The following SDK2 variants were observed in gnomAD, a reference collection of about 807,000 sequenced individuals.
SDK2 encodes sidekick cell adhesion molecule 2.
SDK2 carries 105 observed loss-of-function variants against 253.9 expected under a neutral mutation model. The ratio of observed to expected loss-of-function variants is 0.41; its 90% CI spans 0.35 to 0.49. The LOEUF is 0.49. Among genes scored for constraint, SDK2 ranks in the 20% least tolerant of loss-of-function variants. SDK2 has a pLI of 0.06. For missense variants in SDK2, 2,608 were observed against 3,003.0 expected, an observed-to-expected ratio of 0.87 and a Z score of 3.07; for synonymous variants, 1,249 against 1,234.9, an observed-to-expected ratio of 1.01 and a Z score of -0.24.
chr17:73,628,099 G>T (rs1189998544), intron 1 of SDK2, among the ~76,000 whole-genome samples: 1 of 152,256 alleles, frequency 6.6e-6, no homozygotes, highest in African/African-American at 2.4e-5. Context: ...ACATTTAACA[G>T]ATGAGGAAAC....
At chr17:73,373,274 C>A (rs1433003320) in intron 36 of SDK2, among the ~76,000 whole-genome samples, 1 of 152,226 alleles carries the variant, frequency 6.6e-6, no homozygotes. Flanking sequence ...TTCACAGACA[C>A]TCAGGCTATT....
rs369147847 is a variant in SDK2, at chr17:73,394,338, G to C, written c.3593-14C>G. The C allele has an allele frequency of 4.1e-4, 638 of 1,539,188 alleles. No homozygotes were observed. Among genetic ancestry groups the C allele is most frequent in the Non-Finnish European group, 5.2e-4 (590 of 1,134,846 alleles). On this transcript the variant is annotated splice_polypyrimidine_tract_variant and intron_variant, in intron 25 of 44. Transcript: ENST00000392650. ...CGGAAGAGGGAACTGTGGGGGAAAG[G>C]GAGTGGAGAGAAGGCACTCAGGACC...
At chr17:73,540,807 G>A (rs529977650) in intron 1 of SDK2, among the ~76,000 whole-genome samples, 3 of 152,254 alleles carry the variant, frequency 2.0e-5, no homozygotes, top group South Asian at 2.1e-4. Context: ...CTCTCCCCTC[G>A]TGGGCTGTGG....
At chr17:73,542,349 G>A (rs1197289517) in intron 1 of SDK2, among the ~76,000 whole-genome samples, 1 of 152,222 alleles carries the variant, frequency 6.6e-6, no homozygotes, top group African/African-American at 2.4e-5. Flanking sequence ...GGTGCTACAA[G>A]AGAGAGCAGG....
chr17:73,588,206 C>CG (rs1491189476), intron 1 of SDK2, among the ~76,000 whole-genome samples: 2 of 140,562 alleles, frequency 1.4e-5, no homozygotes, highest in African/African-American at 2.8e-5. Context: ...GACCCCCCCC[C>CG]CTCCCCCGCC....
chr17:73,479,459 A>G (rs2063708070), intron 2 of SDK2, among the ~76,000 whole-genome samples: 1 of 152,230 alleles, frequency 6.6e-6, no homozygotes, highest in South Asian at 2.1e-4. Flanking sequence ...CCGGCTAGAA[A>G]AAGACTGACT....
At position 73,350,366 on chromosome 17, in the gene SDK2, G is replaced by A; in HGVS notation, c.5909C>T (p.Ala1970Val). The change falls in exon 43 of 45, where the codon GCC (alanine) becomes GTC (valine). Residue 1970 changes from alanine (A) to valine (V), a missense_variant. Ala to Val is a moderately conservative substitution (Grantham distance 64). Around this residue, in one of 2 missense-constraint regions of SDK2, gnomAD observed 1,103 missense variants for 1,143.9 expected, o/e 0.96. Transcript: ENST00000392650. ...GCTGTGGCCTAGGGCTCCAGACTTG[G>A]CACTGTTCCCTGAAGTCGGCGGGAG... Reference protein sequence around the residue: ...YAKKTDSGNSAKSGALGHSEM... With the variant: ...YAKKTDSGNSVKSGALGHSEM... 1.2e-6 allele frequency: 2 copies of A among 1,613,520 alleles called. No individual in the cohort carries two copies. The highest frequency in any genetic ancestry group is 1.7e-6 in the Non-Finnish European group (2 of 1,179,680).
intron 1 of SDK2, among the ~76,000 whole-genome samples, chr17:73,538,111 C>A (rs1457068200): frequency 3.3e-5 from 5 of 152,172 alleles, no homozygotes; most frequent in African/African-American, 1.2e-4. Context: ...GTGTTCACTG[C>A]ACTTGGCCTG....
chr17:73,638,148 C>T (rs573740660), intron 1 of SDK2, among the ~76,000 whole-genome samples: 6 of 152,238 alleles, frequency 3.9e-5, no homozygotes, highest in East Asian at 3.9e-4. Context: ...GGAGATGGGG[C>T]GAGAGGCCTG....
intron 1 of SDK2, among the ~76,000 whole-genome samples, chr17:73,552,939 C>T (rs2045084978): frequency 6.6e-6 from 1 of 152,232 alleles, no homozygotes; most frequent in South Asian, 2.1e-4. Context: ...TGGAGAGGAG[C>T]CGTAGAGGAG....
At chr17:73,448,745 C>T (rs1302570351) in intron 4 of SDK2, among the ~76,000 whole-genome samples, 1 of 151,706 alleles carries the variant, frequency 6.6e-6, no homozygotes, top group East Asian at 1.9e-4. Flanking sequence ...ACTGCAACCT[C>T]CGCCTTCCCG....
In SDK2 at chr17:73,410,430, C is replaced by T. The variant is rs563373727; in HGVS notation, c.2484+4214G>A. On this transcript the variant is annotated intron_variant, in intron 18 of 44. Coordinates refer to ENST00000392650, the MANE Select transcript of SDK2 (RefSeq NM_001144952.2). ...CTGGGTTCAAGCGATTCTCCTGCCTCGGCCTCCTATGTCTGTAGCTGGGAT... is the reference window on the plus strand; with the variant it reads ...CTGGGTTCAAGCGATTCTCCTGCCTTGGCCTCCTATGTCTGTAGCTGGGAT... 4.6e-5 allele frequency among the ~76,000 whole-genome samples: 7 copies of T among 152,318 alleles called. No homozygotes were observed. The South Asian group carries it at 8.3e-4, about 18-fold the overall frequency.
chr17:73,522,487 G>A (rs1283354679), intron 1 of SDK2, among the ~76,000 whole-genome samples: 6 of 152,240 alleles, frequency 3.9e-5, no homozygotes, highest in Non-Finnish European at 1.5e-5. Context: ...TCCTTGCCTG[G>A]GAACCAGCTG....
intron 1 of SDK2, among the ~76,000 whole-genome samples, chr17:73,595,032 G>A (rs912892825): frequency 2.0e-5 from 3 of 152,134 alleles, no homozygotes; most frequent in Admixed American, 1.3e-4. Flanking sequence ...CAATCAGAAC[G>A]CCATCACCAC....
At chr17:73,375,896 A>AAATACAATAC (rs2062775473) in intron 36 of SDK2, among the ~76,000 whole-genome samples, 1 of 151,478 alleles carries the variant, frequency 6.6e-6, no homozygotes, top group Non-Finnish European at 1.5e-5. Context: ...AACTAAACTA[A>AAATACAATAC]AATAAAATAA....
At chr17:73,525,020 A>G (rs2064114168) in intron 1 of SDK2, among the ~76,000 whole-genome samples, 1 of 152,206 alleles carries the variant, frequency 6.6e-6, no homozygotes, top group Non-Finnish European at 1.5e-5. Flanking sequence ...TCCAAGACTC[A>G]CCTTCCTAGG....
At chr17:73,362,232 C>T (rs1340401302) in intron 38 of SDK2, among the ~76,000 whole-genome samples, 3 of 152,122 alleles carry the variant, frequency 2.0e-5, no homozygotes, top group Non-Finnish European at 4.4e-5. Flanking sequence ...TATGCAGCAT[C>T]CCATGGGACT....
chr17:73,405,751 G>A (rs1279828429), intron 18 of SDK2, among the ~76,000 whole-genome samples: 14 of 144,774 alleles, frequency 9.7e-5, no homozygotes, highest in Admixed American at 3.5e-4. Context: ...ACAGAGTCTC[G>A]CTCTGTCGCC....
Position 73,431,761 on chromosome 17 carries a change from C to T in SDK2, c.1313-92G>A. The T allele has an allele frequency of 7.6e-7, 1 of 1,320,246 alleles. No individual in the cohort carries two copies. The highest frequency in any genetic ancestry group is 1.0e-6 in the Non-Finnish European group (1 of 993,042). The allele number at this position is 1,320,246 out of a possible 1,614,324, so 81.8% of individuals were successfully genotyped here. On this transcript the variant is annotated intron_variant, in intron 10 of 44. Transcript: ENST00000392650. The surrounding 1 kb of genome is among the most constrained non-coding windows in gnomAD (Gnocchi z 5.6). ...GCTCCAGGGCAGCATGGTCCCCCCA[C>T]AGGCCCCTGGCTCTGGAAATGCTGG...
Sources: gnomAD v4.1 joint callset for allele counts (sites outside exome capture counted in the v4.1 genomes callset) on GRCh38, gnomAD v4.1.1 for gene constraint, gnomAD v4.1.1 regional missense constraint, Gnocchi (gnomAD v3.1) non-coding constraint, MANE v1.5 for transcripts, NCBI Gene and HGNC (gene_info 2026-07-23, HGNC 2026-07-21) for gene names.